The following HSPB8 variants were observed in gnomAD, a reference collection of about 807,000 sequenced individuals.
The protein encoded by HSPB8 is heat shock protein beta-8.
In HSPB8, 9 loss-of-function variants were observed where a neutral mutation model predicts 16.5. That is an observed-to-expected ratio of 0.55 (90% CI 0.33 to 0.95). HSPB8 has a LOEUF of 0.95. HSPB8 is among the 40% of genes least tolerant of loss of function. The pLI, the probability that HSPB8 is intolerant of heterozygous loss-of-function variation, is 0.03. For synonymous variants in HSPB8, 99 were observed against 94.8 expected (o/e 1.04, Z -0.26); for missense variants, 238 against 251.2 (o/e 0.95, Z 0.35).
intron 1 of HSPB8, among the ~76,000 whole-genome samples, chr12:119,184,357 A>G (rs886606923): frequency 6.6e-6 from 1 of 152,214 alleles, no homozygotes; most frequent in Admixed American, 6.5e-5. Context: ...ATTACTTGCT[A>G]TTATTATTTA....
At chr12:119,179,715 G>A in intron 1 of HSPB8, 36 bp downstream of exon 1, 3 of 1,544,222 alleles carry the variant, frequency 1.9e-6, no homozygotes, top group African/African-American at 2.8e-5. Context: ...GAATGGGGAG[G>A]CCGGGATGTA....
intron 2 of HSPB8, among the ~76,000 whole-genome samples, chr12:119,192,645 G>C (rs10849633): frequency 0.23 from 34,599 of 151,896 alleles, 4,125 homozygotes; most frequent in African/African-American, 0.3. Flanking sequence ...GACAGAGTGA[G>C]ACTCTGTCCC....
At chr12:119,184,966 A>C (rs1954665371) in intron 1 of HSPB8, among the ~76,000 whole-genome samples, 2 of 152,232 alleles carry the variant, frequency 1.3e-5, no homozygotes, top group African/African-American at 4.8e-5. Flanking sequence ...AATAAGTTCC[A>C]AACATAATGC....
Position 119,179,675 on chromosome 12 carries a change from G to A in HSPB8, c.363G>A (p.Val121=), listed in dbSNP as rs754012260. The change falls in exon 1 of 3, where the codon GTG becomes GTA. Residue 121 remains valine (V), a synonymous_variant. Transcript: ENST00000281938. ...MVKTKDGYVE[V]SGKHEEKQQE... Reference sequence around the variant, plus strand: ...AGACCAAAGATGGATACGTGGAGGTGTCTGGTAAGTCAGGGGCAGGAGGGA... The same window carrying A: ...AGACCAAAGATGGATACGTGGAGGTATCTGGTAAGTCAGGGGCAGGAGGGA... 2 of 1,576,704 alleles carry A rather than the reference G, an allele frequency of 1.3e-6. No individual in the cohort carries two copies. Among genetic ancestry groups the A allele is most frequent in the East Asian group, 2.2e-5 (1 of 44,558 alleles).
intron 1 of HSPB8, among the ~76,000 whole-genome samples, chr12:119,180,649 TA>T (rs1954630813): frequency 6.6e-6 from 1 of 152,000 alleles, no homozygotes; most frequent in Non-Finnish European, 1.5e-5. Flanking sequence ...ATAAACATAC[TA>T]GGGGGAAAAA....
Position 119,194,020 on chromosome 12 carries a change from T to A in HSPB8, c.*162T>A. On this transcript the variant is annotated 3_prime_UTR_variant, in exon 3 of 3. Transcript: ENST00000281938. ...TTCCCTGGATAGTGTAGTGGTAGAT[T>A]TCTCCACAGGATAGCGCAATTGGCA... 1.3e-6 allele frequency: 1 copy of A among 793,356 alleles called. No individual in the cohort carries two copies. The highest frequency in any genetic ancestry group is 2.1e-6 in the Non-Finnish European group (1 of 467,102). The allele number at this position is 793,356 out of a possible 1,614,324, so 49.1% of individuals were successfully genotyped here. A position where few individuals can be genotyped will look rare whatever the true frequency, so the allele number is the denominator to read the frequency against.
intron 2 of HSPB8, among the ~76,000 whole-genome samples, chr12:119,192,095 C>A (rs1954716092): frequency 1.3e-5 from 2 of 152,190 alleles, no homozygotes; most frequent in African/African-American, 4.8e-5. Context: ...TATGTCCTCA[C>A]AGTTTTAATA....
At chr12:119,186,422 C>T (rs777610970) in intron 1 of HSPB8, among the ~76,000 whole-genome samples, 17 of 152,190 alleles carry the variant, frequency 1.1e-4, no homozygotes, top group Non-Finnish European at 1.8e-4. Context: ...AGAACTTGGC[C>T]TAGACTCAGA....
rs903417106 is a variant in HSPB8 at position 119,179,202 on chromosome 12, T to C, written c.-111T>C. ...GCTTCTCCCTGCAGAAAAGCAGCAT[T>C]TTCGGAAGCTGAAGAATAAGCTAGC... On this transcript the variant is annotated 5_prime_UTR_variant, in exon 1 of 3. Transcript: ENST00000281938. 8.6e-7 allele frequency: 1 copy of C among 1,160,300 alleles called. No homozygotes were observed. Among genetic ancestry groups the C allele is most frequent in the Non-Finnish European group, 1.3e-6 (1 of 788,000 alleles). 71.9% of individuals were successfully genotyped at this position (1,160,300 alleles called of 1,614,324 possible).
At chr12:119,192,171 T>C (rs1277442405) in intron 2 of HSPB8, among the ~76,000 whole-genome samples, 2 of 152,198 alleles carry the variant, frequency 1.3e-5, no homozygotes, top group Non-Finnish European at 2.9e-5. Flanking sequence ...ATCATAAAAA[T>C]ACCTTATTAG....
intron 2 of HSPB8, among the ~76,000 whole-genome samples, chr12:119,189,200 C>T (rs1021143982): frequency 2.6e-5 from 4 of 151,958 alleles, no homozygotes; most frequent in Non-Finnish European, 4.4e-5. Flanking sequence ...TGGGGGGAAG[C>T]TGATGTCAAG....
chr12:119,188,485 T>C (rs1248544255), intron 2 of HSPB8, among the ~76,000 whole-genome samples: 1 of 151,922 alleles, frequency 6.6e-6, no homozygotes, highest in Non-Finnish European at 1.5e-5. Flanking sequence ...TGACTTCAAG[T>C]GATCTGCCCG....
chr12:119,192,605 A>C (rs1016783853), intron 2 of HSPB8, among the ~76,000 whole-genome samples: 1 of 152,088 alleles, frequency 6.6e-6, no homozygotes, highest in African/African-American at 2.4e-5. Flanking sequence ...GCAGTGAACC[A>C]AGATCGCGCC....
chr12:119,182,862 A>T (rs1181920727), intron 1 of HSPB8: 1 of 152,072 alleles, frequency 6.6e-6, no homozygotes, highest in Non-Finnish European at 1.5e-5. Flanking sequence ...AGGCCCAGAG[A>T]AAGTAACTCA....
chr12:119,179,803 G>A, intron 1 of HSPB8, 124 bp downstream of exon 1: 1 of 1,257,862 alleles, frequency 8.0e-7, no homozygotes. Context: ...TGACCTCAGG[G>A]CTCAGGAATG....
chr12:119,186,377 G>A (rs1384095800), intron 1 of HSPB8, among the ~76,000 whole-genome samples: 1 of 152,164 alleles, frequency 6.6e-6, no homozygotes, highest in Non-Finnish European at 1.5e-5. Flanking sequence ...AGCTGGAACA[G>A]ACAGAAATTC....
chr12:119,183,419 C>A (rs1250667724), intron 1 of HSPB8, among the ~76,000 whole-genome samples: 3 of 152,190 alleles, frequency 2.0e-5, no homozygotes, highest in Admixed American at 2.0e-4. Context: ...TCCACCCCTT[C>A]TCCTTAGTCC....
intron 1 of HSPB8, among the ~76,000 whole-genome samples, chr12:119,184,459 G>A (rs1011678063): frequency 2.0e-5 from 3 of 152,194 alleles, no homozygotes; most frequent in Non-Finnish European, 4.4e-5. Flanking sequence ...GTCCCCAGGG[G>A]AAGCAGGTCT....
At position 119,192,084 on chromosome 12, in the gene HSPB8, A is replaced by G. The variant is rs1363814646; in HGVS notation, c.432-1615A>G. 2.6e-5 allele frequency among the ~76,000 whole-genome samples: 4 copies of G among 152,240 alleles called. No homozygotes were observed. The East Asian group carries it at 5.8e-4, about 22-fold the overall frequency. ...TAATGGCACCCCAATGAGATCACTA[A>G]TATGTCCTCACAGTTTTAATAGTTT... On this transcript the variant is annotated intron_variant, in intron 2 of 2. Coordinates refer to ENST00000281938, the MANE Select transcript of HSPB8 (RefSeq NM_014365.3).
Sources: allele counts gnomAD v4.1 joint callset (sites outside exome capture counted in the v4.1 genomes callset), GRCh38; gene constraint gnomAD v4.1.1; transcripts MANE v1.5; gene names NCBI Gene and HGNC (gene_info 2026-07-23, HGNC 2026-07-21).